Variants in BDP1 observed in about 807,000 individuals in gnomAD.
BDP1 encodes the protein transcription factor TFIIIB component B'' homolog.
BDP1 carries 169 observed loss-of-function variants against 266.6 expected under a neutral mutation model. That is an observed-to-expected ratio of 0.63 (90% CI 0.56 to 0.72). The LOEUF is 0.72. Ranked by LOEUF, BDP1 falls within the 30% of genes least tolerant of loss-of-function variation. BDP1 has a pLI of 0.00. For missense variants in BDP1, 3,015 were observed against 3,053.8 expected (o/e 0.99, Z 0.30); for synonymous variants, 1,090 against 1,022.4 (o/e 1.07, Z -1.26).
At chr5:71,488,157 A>G (rs926065897) in intron 9 of BDP1, among the ~76,000 whole-genome samples, 1 of 151,858 alleles carries the variant, frequency 6.6e-6, no homozygotes, top group African/African-American at 2.4e-5. Flanking sequence ...ACAGGGTCTC[A>G]CTTTGTTGCC....
intron 14 of BDP1, among the ~76,000 whole-genome samples, chr5:71,502,217 C>T (rs1236988002): frequency 3.5e-5 from 5 of 141,260 alleles, no homozygotes; most frequent in East Asian, 2.1e-4. Context: ...GATGGAATCT[C>T]GCTCTGTCAC....
chr5:71,512,794 C>G (rs1340604210), intron 18 of BDP1, among the ~76,000 whole-genome samples: 1 of 152,032 alleles, frequency 6.6e-6, no homozygotes, highest in Non-Finnish European at 1.5e-5. Flanking sequence ...GTGGCTCACA[C>G]CTGTAATCCT....
In BDP1 at chr5:71,557,585, C is replaced by T. The variant is rs372151204; in HGVS notation, c.7240+660C>T. On this transcript the variant is annotated intron_variant, in intron 36 of 38. Coordinates refer to ENST00000358731, the MANE Select transcript of BDP1 (RefSeq NM_018429.3). ...ATTTTTAGTAGAGACAGGATTTCAC[C>T]GTATTAGCCAGGATGGTCTTGATCT... is the stretch of plus-strand genomic sequence containing the variant. Among the ~76,000 whole-genome samples, 20 of 151,962 alleles carry T rather than the reference C, an allele frequency of 1.3e-4. 1 individual carries two copies. The highest frequency in any genetic ancestry group is 4.2e-4 in the South Asian group (2 of 4,790).
intron 8 of BDP1, 29 bp downstream of exon 8, chr5:71,483,925 AT>A: frequency 6.4e-7 from 1 of 1,555,380 alleles, no homozygotes; most frequent in South Asian, 1.1e-5. Flanking sequence ...TTTACAAAGT[AT>A]TACTTGAAGA....
chr5:71,516,104 G>T lies in BDP1; in HGVS notation c.4693G>T (p.Val1565Phe). 1.2e-6 allele frequency: 2 copies of T among 1,611,370 alleles called. No individual in the cohort carries two copies. Among genetic ancestry groups the T allele is most frequent in the Non-Finnish European group, 1.7e-6 (2 of 1,178,548 alleles). Residue 1565 changes from valine (V) to phenylalanine (F), a missense_variant, in exon 21 of 39, where the codon GTT (valine) becomes TTT (phenylalanine). Val to Phe is a conservative substitution (Grantham distance 50, BLOSUM62 -1). Coordinates refer to ENST00000358731, the MANE Select transcript of BDP1 (RefSeq NM_018429.3). ...TTTCCAGCAAGAAATGAAGGAAAGT[G>T]TTATCCAAACTGCTCGACAAGTAAG... The part of the protein sequence containing the change: ...NTFQQEMKES[V>F]IQTARQVRGR...
At chr5:71,542,878 A>T (rs1767059456) in intron 30 of BDP1, among the ~76,000 whole-genome samples, 1 of 152,078 alleles carries the variant, frequency 6.6e-6, no homozygotes, top group Admixed American at 6.6e-5. Flanking sequence ...TTAAAAAAAA[A>T]TTGTTTTTTC....
At chr5:71,488,708 C>T (rs931291446) in intron 9 of BDP1, among the ~76,000 whole-genome samples, 44 of 147,098 alleles carry the variant, frequency 3.0e-4, no homozygotes, top group African/African-American at 1.1e-3. Flanking sequence ...GGATTACAGG[C>T]GTGAGCCACC....
intron 23 of BDP1, 77 bp downstream of exon 23, chr5:71,522,567 G>T: frequency 7.6e-7 from 1 of 1,322,466 alleles, no homozygotes; most frequent in Non-Finnish European, 1.0e-6. Context: ...AAGAGCATGA[G>T]TAAAATACAG....
chr5:71,558,610 G>A (rs1743396918), intron 36 of BDP1, among the ~76,000 whole-genome samples: 1 of 151,644 alleles, frequency 6.6e-6, no homozygotes, highest in Non-Finnish European at 1.5e-5. Flanking sequence ...TGGATCACCT[G>A]AGGTCAGGAG....
At chr5:71,570,975 AAAAT>A (rs1744245442), downstream of BDP1, among the ~76,000 whole-genome samples, 1 of 152,254 alleles carries the variant, frequency 6.6e-6, no homozygotes, top group African/African-American at 2.4e-5. Flanking sequence ...AAATATTTGA[AAAAT>A]AAAACATAAA....
At chr5:71,514,900 A>T in intron 19 of BDP1, 44 bp from the exon 20 acceptor site, 2 of 1,374,708 alleles carry the variant, frequency 1.5e-6, no homozygotes, top group Non-Finnish European at 2.0e-6. Context: ...TTATTTCCTT[A>T]TACTTTTAGC....
At chr5:71,571,466 C>T (rs1744261009), downstream of BDP1, among the ~76,000 whole-genome samples, 1 of 152,092 alleles carries the variant, frequency 6.6e-6, no homozygotes, top group Non-Finnish European at 1.5e-5. Flanking sequence ...CAGTTTTTCT[C>T]AGATACCCAG....
chr5:71,570,937 T>G (rs1744244497), downstream of BDP1, among the ~76,000 whole-genome samples: 1 of 152,210 alleles, frequency 6.6e-6, no homozygotes, highest in Admixed American at 6.5e-5. Flanking sequence ...AGGTTCCATA[T>G]CCTGAGATTG....
At chr5:71,464,264 G>T (rs1370755760) in intron 4 of BDP1, 147 bp downstream of exon 4, 2 of 557,164 alleles carry the variant, frequency 3.6e-6, no homozygotes, top group Non-Finnish European at 6.3e-6. Context: ...GCGAAGCCAA[G>T]ATGGGAGGAT....
intron 2 of BDP1, 146 bp from the exon 3 acceptor site, chr5:71,461,671 T>C (rs1761573013): frequency 1.8e-6 from 1 of 544,018 alleles, no homozygotes; most frequent in Non-Finnish European, 3.3e-6. Context: ...AACTTTTTAA[T>C]ATTCCATCTA....
intron 34 of BDP1, among the ~76,000 whole-genome samples, chr5:71,552,371 C>G (rs1163766380): frequency 4.0e-5 from 6 of 151,472 alleles, no homozygotes; most frequent in African/African-American, 1.5e-4. Flanking sequence ...TCCTCACTTT[C>G]CAGACTGGGC....
At chr5:71,549,084 C>T (rs1742552042) in intron 33 of BDP1, among the ~76,000 whole-genome samples, 1 of 152,088 alleles carries the variant, frequency 6.6e-6, no homozygotes, top group Non-Finnish European at 1.5e-5. Flanking sequence ...ACTAAAAATA[C>T]AAAACTAGCC....
intron 10 of BDP1, among the ~76,000 whole-genome samples, chr5:71,490,106 T>G (rs1187091832): frequency 6.6e-6 from 1 of 152,218 alleles, no homozygotes; most frequent in African/African-American, 2.4e-5. Flanking sequence ...TTTTCTTTTT[T>G]ACTCTTTGAA....
intron 7 of BDP1, among the ~76,000 whole-genome samples, chr5:71,476,554 T>TG (rs541935159): frequency 0.018 from 2,675 of 151,854 alleles, 33 homozygotes; most frequent in Non-Finnish European, 0.028. Flanking sequence ...TTTTCCCTTT[T>TG]TTTTTAGACA....
Sources: allele counts gnomAD v4.1 joint callset (sites outside exome capture counted in the v4.1 genomes callset), GRCh38; gene constraint gnomAD v4.1.1; transcripts MANE v1.5; gene names NCBI Gene and HGNC (gene_info 2026-07-23, HGNC 2026-07-21).